Variants in PIK3R1 observed in about 807,000 individuals in gnomAD.
The protein encoded by PIK3R1 is phosphoinositide-3-kinase regulatory subunit 1, also known as phosphatidylinositol 3-kinase regulatory subunit alpha.
A neutral mutation model predicts 98.0 loss-of-function variants in PIK3R1; 29 were observed. The observed-to-expected ratio is 0.30, with a 90% confidence interval of 0.22 to 0.40. The LOEUF (loss-of-function observed/expected upper bound fraction) is 0.40, where lower values mean the gene tolerates loss of function less well. PIK3R1 is among the 10% of genes least tolerant of loss of function. The pLI, the probability that PIK3R1 is intolerant of heterozygous loss-of-function variation, is 1.00. For missense variants in PIK3R1, 596 were observed against 872.7 expected (o/e 0.68, Z 3.99); for synonymous variants, 282 against 311.8 (o/e 0.90, Z 1.01).
chr5:68,240,581 T>C (rs1428969637), intron 2 of PIK3R1, among the ~76,000 whole-genome samples: 1 of 152,202 alleles, frequency 6.6e-6, no homozygotes, highest in Non-Finnish European at 1.5e-5. Context: ...TTTACTCTTG[T>C]TTTCTTTGCC....
At chr5:68,241,146 C>T (rs173704) in intron 2 of PIK3R1, among the ~76,000 whole-genome samples, 133,236 of 152,190 alleles carry the variant, frequency 0.88, 58,674 homozygotes, top group African/African-American at 0.97. Context: ...TGGTGGGGGT[C>T]AATAGTTATA....
intron 2 of PIK3R1, among the ~76,000 whole-genome samples, chr5:68,243,645 G>A (rs1430718592): frequency 6.6e-6 from 1 of 152,208 alleles, no homozygotes; most frequent in Non-Finnish European, 1.5e-5. Flanking sequence ...TTCCTTTAGT[G>A]ACAGTTCAAT....
intron 2 of PIK3R1, among the ~76,000 whole-genome samples, chr5:68,254,202 G>C (rs900652090): frequency 1.3e-5 from 2 of 152,144 alleles, no homozygotes; most frequent in African/African-American, 2.4e-5. Context: ...AACCAGGAGA[G>C]ACTTATTCCC....
chr5:68,288,404 C>G (rs757764080), intron 7 of PIK3R1: 34 of 1,193,542 alleles, frequency 2.8e-5, no homozygotes, highest in Non-Finnish European at 3.5e-5. Context: ...CGCCTGGGCT[C>G]CTTTCCTCCC....
At chr5:68,216,689 A>G (rs886203082) in intron 1 of PIK3R1, among the ~76,000 whole-genome samples, 1 of 152,222 alleles carries the variant, frequency 6.6e-6, no homozygotes, top group Admixed American at 6.5e-5. Flanking sequence ...GGACCTGCCC[A>G]GCAATATGGA....
chr5:68,220,115 C>T (rs1313209916), intron 1 of PIK3R1, among the ~76,000 whole-genome samples: 1 of 152,090 alleles, frequency 6.6e-6, no homozygotes, highest in Non-Finnish European at 1.5e-5. Context: ...CTCATAATGA[C>T]TCTGTGGGCT....
intron 2 of PIK3R1, among the ~76,000 whole-genome samples, chr5:68,257,849 A>G (rs531244520): frequency 7.2e-5 from 11 of 152,284 alleles, no homozygotes; most frequent in Middle Eastern, 3.4e-3. Context: ...CTGAATAATA[A>G]TTTTTGATTC....
intron 14 of PIK3R1, 70 bp from the exon 15 acceptor site, chr5:68,296,101 G>C (rs748169873): frequency 1.3e-6 from 2 of 1,496,604 alleles, no homozygotes; most frequent in Non-Finnish European, 1.8e-6. Context: ...GGTATGCCTA[G>C]GGAAGACAGC....
At chr5:68,249,267 A>G (rs1340622468) in intron 2 of PIK3R1, among the ~76,000 whole-genome samples, 1 of 152,166 alleles carries the variant, frequency 6.6e-6, no homozygotes, top group East Asian at 1.9e-4. Flanking sequence ...TGTTCCTGGA[A>G]CCACCAAAGA....
At chr5:68,235,898 T>A (rs887074366) in intron 2 of PIK3R1, among the ~76,000 whole-genome samples, 1 of 150,058 alleles carries the variant, frequency 6.7e-6, no homozygotes, top group African/African-American at 2.5e-5. Context: ...TTTTTTTGAA[T>A]CTTGCTCTGT....
At chr5:68,240,890 A>T (rs2112021819) in intron 2 of PIK3R1, among the ~76,000 whole-genome samples, 1 of 151,778 alleles carries the variant, frequency 6.6e-6, no homozygotes, top group East Asian at 1.9e-4. Context: ...AAAATACAAA[A>T]CCACTGTCAC....
rs1209021376 is a variant in PIK3R1 at position 68,230,748 on chromosome 5, C to A, written c.334+3739C>A. ...CCTCAGGGCAAATTCTGTGCCCTTTCTCCCATCCTTTTATCTCCTTCCCTT... is the reference window on the plus strand; with the variant it reads ...CCTCAGGGCAAATTCTGTGCCCTTTATCCCATCCTTTTATCTCCTTCCCTT... On this transcript the variant is annotated intron_variant, in intron 2 of 15. Transcript: ENST00000521381. 4.6e-5 allele frequency among the ~76,000 whole-genome samples: 7 copies of A among 152,238 alleles called. No individual in the cohort carries two copies. In the South Asian group the frequency reaches 1.4e-3, roughly 31 times the overall value.
At chr5:68,266,090 C>T (rs138713825) in intron 2 of PIK3R1, among the ~76,000 whole-genome samples, 213 of 152,302 alleles carry the variant, frequency 1.4e-3, no homozygotes, top group African/African-American at 5.0e-3. Flanking sequence ...AGGTCCCAGC[C>T]TGGATCCAAA....
intron 2 of PIK3R1, among the ~76,000 whole-genome samples, chr5:68,242,217 G>A (rs1744896398): frequency 6.6e-6 from 1 of 152,178 alleles, no homozygotes; most frequent in African/African-American, 2.4e-5. Context: ...TAATTGATGG[G>A]TTAGGCAAAA....
intron 1 of PIK3R1, among the ~76,000 whole-genome samples, chr5:68,225,798 C>CT (rs1030407448): frequency 8.5e-5 from 13 of 152,328 alleles, no homozygotes; most frequent in African/African-American, 3.1e-4. Flanking sequence ...ACCTAAATCT[C>CT]TAACCCCAAT....
intron 2 of PIK3R1, among the ~76,000 whole-genome samples, chr5:68,227,287 A>T (rs925446504): frequency 1.3e-5 from 2 of 152,236 alleles, no homozygotes; most frequent in South Asian, 2.1e-4. Context: ...TGAATTAAAC[A>T]TCTACTATAT....
chr5:68,264,618 A>G (rs780835213), intron 2 of PIK3R1, among the ~76,000 whole-genome samples: 2 of 152,248 alleles, frequency 1.3e-5, no homozygotes, highest in Non-Finnish European at 2.9e-5. Flanking sequence ...AATCAGCAGT[A>G]GTAGTGATTT....
At position 68,297,837 on chromosome 5, in the gene PIK3R1, T is replaced by C. The variant is rs1475667961; in HGVS notation, c.*236T>C. The C allele has an allele frequency of 1.1e-5, 4 of 358,914 alleles. No individual in the cohort carries two copies. Among genetic ancestry groups the C allele is most frequent in the Non-Finnish European group, 2.0e-5 (4 of 199,746 alleles). The allele number at this position is 358,914 out of a possible 1,614,324, so 22.2% of individuals were successfully genotyped here. ...TGCTTATCCCTTCTTTTTCTTTTTT[T>C]CTTTGGTTTAATTTAAAGCCACAAC... On this transcript the variant is annotated 3_prime_UTR_variant, in exon 16 of 16. Coordinates refer to ENST00000521381, the MANE Select transcript of PIK3R1 (RefSeq NM_181523.3).
intron 2 of PIK3R1, among the ~76,000 whole-genome samples, chr5:68,239,725 C>T (rs1017482809): frequency 6.6e-5 from 10 of 152,304 alleles, no homozygotes; most frequent in South Asian, 4.1e-4. Context: ...TGCTGACTTC[C>T]GACCAGCCAC....
Sources: gnomAD v4.1 joint callset for allele counts (sites outside exome capture counted in the v4.1 genomes callset) on GRCh38, gnomAD v4.1.1 for gene constraint, MANE v1.5 for transcripts, NCBI Gene and HGNC (gene_info 2026-07-23, HGNC 2026-07-21) for gene names.